KAZN: variants seen among roughly 807,000 people sequenced by gnomAD.
KAZN encodes the protein kazrin, periplakin interacting protein.
A neutral mutation model predicts 87.4 loss-of-function variants in KAZN; 40 were observed. The observed-to-expected ratio is 0.46, with a 90% CI of 0.36 to 0.60. The LOEUF is 0.60. Among genes scored for constraint, KAZN ranks in the 20% least tolerant of loss-of-function variants. KAZN has a pLI of 0.00. For missense variants in KAZN, 898 were observed against 1,073.9 expected (o/e 0.84, Z 2.29); for synonymous variants, 466 against 458.3 (o/e 1.02, Z -0.22).
At chr1:13,957,792 A>T (rs1180409961) in intron 1 of KAZN, among the ~76,000 whole-genome samples, 1 of 152,132 alleles carries the variant, frequency 6.6e-6, no homozygotes, top group African/African-American at 2.4e-5. Flanking sequence ...TTCATGAAAG[A>T]TCCACTCCAT....
chr1:15,060,445 T>C, intron 6 of KAZN, 143 bp downstream of exon 6: 1 of 1,138,312 alleles, frequency 8.8e-7, no homozygotes, highest in East Asian at 2.4e-5. Context: ...TGTTCTGTTC[T>C]TTCCTTTTGC....
At chr1:14,077,676 GAT>G (rs1643514610) in intron 1 of KAZN, among the ~76,000 whole-genome samples, 3 of 152,228 alleles carry the variant, frequency 2.0e-5, no homozygotes, top group Non-Finnish European at 4.4e-5. Context: ...TTCCCAAAAA[GAT>G]ATGTGGAAAT....
At chr1:14,251,243 T>C (rs1650003259) in intron 2 of KAZN, among the ~76,000 whole-genome samples, 1 of 152,196 alleles carries the variant, frequency 6.6e-6, no homozygotes, top group Non-Finnish European at 1.5e-5. Context: ...CCATCACTTC[T>C]CTTACATGAG....
At position 15,096,934 on chromosome 1, in the gene KAZN, G is replaced by A. The variant is rs987166887; in HGVS notation, c.1547+2001G>A. On this transcript the variant is annotated intron_variant, in intron 10 of 14. Transcript: ENST00000376030. The surrounding 1 kb of genome is among the most constrained non-coding windows in gnomAD (Gnocchi z 4.5). Reference sequence around the variant, plus strand: ...ATTTAATCCCTAACAGTGGCACCACGTTAACCTCCAGGAACCAGGAGTCTG... The same window carrying A: ...ATTTAATCCCTAACAGTGGCACCACATTAACCTCCAGGAACCAGGAGTCTG... 6.6e-6 allele frequency among the ~76,000 whole-genome samples: 1 copy of A among 152,178 alleles called. No individual in the cohort carries two copies. Among genetic ancestry groups the A allele is most frequent in the Non-Finnish European group, 1.5e-5 (1 of 68,046 alleles).
rs1366887954 is a variant in KAZN at position 14,560,380 on chromosome 1, G to T, written c.250-38603G>T. Reference sequence around the variant, plus strand: ...GGATCACTTGAGGTCAGGAGTTTGAGACCAGCCTGGCCAACATGATGAAAC... The same window carrying T: ...GGATCACTTGAGGTCAGGAGTTTGATACCAGCCTGGCCAACATGATGAAAC... On this transcript the variant is annotated intron_variant, in intron 2 of 16. Transcript: ENST00000636203. Among the ~76,000 whole-genome samples, 3 of 152,112 alleles carry T rather than the reference G, an allele frequency of 2.0e-5. No homozygotes were observed. The East Asian group carries it at 5.8e-4, about 29-fold the overall frequency.
Position 14,327,470 on chromosome 1 carries a change from GTC to G in KAZN, c.249+146883_249+146884del, listed in dbSNP as rs200129863. Among the ~76,000 whole-genome samples the G allele has an allele frequency of 6.5e-3, 991 of 152,256 alleles. 11 individuals are homozygous for G. The highest frequency in any genetic ancestry group is 0.023 in the African/African-American group (940 of 41,528). ...CCTCTCATCCCCCTAGCGGGCCTCA[GTC>G]TCTCCCTCGTCTGTTCTCCCTTGGA... On this transcript the variant is annotated intron_variant, in intron 2 of 16. Coordinates refer to the KAZN transcript ENST00000636203.
At chr1:14,877,330 T>C (rs1368053936) in intron 1 of KAZN, among the ~76,000 whole-genome samples, 1 of 152,204 alleles carries the variant, frequency 6.6e-6, no homozygotes, top group East Asian at 1.9e-4. Context: ...ACATATTTTC[T>C]AGAAGTTCCA....
At chr1:14,928,706 G>T (rs1047796158) in intron 1 of KAZN, among the ~76,000 whole-genome samples, 2 of 152,164 alleles carry the variant, frequency 1.3e-5, no homozygotes, top group Non-Finnish European at 2.9e-5. Context: ...GTTTTACGAA[G>T]CTGCCCACTA....
chr1:14,775,749 AG>A (rs1345033172), intron 1 of KAZN, among the ~76,000 whole-genome samples: 2 of 152,226 alleles, frequency 1.3e-5, no homozygotes, highest in Admixed American at 1.3e-4. Flanking sequence ...AGAAAGGGGC[AG>A]GTGGGAATTC....
At chr1:14,357,893 T>C (rs34731767) in intron 2 of KAZN, among the ~76,000 whole-genome samples, 7,942 of 152,190 alleles carry the variant, frequency 0.052, 293 homozygotes, top group South Asian at 0.089. Context: ...TCTTTTTCAG[T>C]TGTGTCTCTG....
intron 1 of KAZN, among the ~76,000 whole-genome samples, chr1:13,941,099 G>A (rs1014744724): frequency 1.3e-5 from 2 of 151,972 alleles, no homozygotes; most frequent in Non-Finnish European, 2.9e-5. Context: ...GAGGCTGAGG[G>A]GGAGAGAATC....
At chr1:15,098,949 A>T (rs1640921182) in intron 10 of KAZN, among the ~76,000 whole-genome samples, 1 of 152,190 alleles carries the variant, frequency 6.6e-6, no homozygotes, top group Non-Finnish European at 1.5e-5. Context: ...CCAGTGAGGC[A>T]GCTGGCCAGA....
At chr1:13,922,021 TG>T (rs1169230049) in intron 1 of KAZN, among the ~76,000 whole-genome samples, 5 of 152,150 alleles carry the variant, frequency 3.3e-5, no homozygotes, top group Admixed American at 1.3e-4. Context: ...CTTTTCCTTT[TG>T]GTGCTCTATA....
Position 14,532,844 on chromosome 1 carries a change from C to T in KAZN, c.250-66139C>T, listed in dbSNP as rs1301341179. On this transcript the variant is annotated intron_variant, in intron 2 of 16. Coordinates refer to the KAZN transcript ENST00000636203. Reference sequence around the variant, plus strand: ...CATAGTATTCCATGGTGTATATGTGCCACATTTTCTTAATCCAGTGTCCTG... The same window carrying T: ...CATAGTATTCCATGGTGTATATGTGTCACATTTTCTTAATCCAGTGTCCTG... Among the ~76,000 whole-genome samples the T allele has an allele frequency of 2.6e-5, 4 of 151,922 alleles. No homozygotes were observed. The South Asian group carries it at 8.3e-4, about 32-fold the overall frequency.
intron 1 of KAZN, among the ~76,000 whole-genome samples, chr1:14,104,551 G>A (rs1644328510): frequency 6.6e-6 from 1 of 152,178 alleles, no homozygotes; most frequent in African/African-American, 2.4e-5. Context: ...GAAAACCTCA[G>A]GATCGCAAAT....
intron 1 of KAZN, among the ~76,000 whole-genome samples, chr1:14,625,246 A>G (rs1679051631): frequency 6.6e-6 from 1 of 152,156 alleles, no homozygotes; most frequent in South Asian, 2.1e-4. Flanking sequence ...TACACAGTTC[A>G]GAGGGTAATA....
At chr1:14,834,359 T>C (rs1647152180) in intron 1 of KAZN, among the ~76,000 whole-genome samples, 2 of 112,030 alleles carry the variant, frequency 1.8e-5, no homozygotes, top group African/African-American at 6.6e-5. Context: ...TCACTTCCTT[T>C]TTTTTTTTTT....
At chr1:14,185,701 G>T (rs191483451) in intron 2 of KAZN, among the ~76,000 whole-genome samples, 123 of 152,272 alleles carry the variant, frequency 8.1e-4, no homozygotes, top group African/African-American at 2.9e-3. Flanking sequence ...CACAGGCATT[G>T]CCAGGCTTAG....
intron 2 of KAZN, among the ~76,000 whole-genome samples, chr1:14,379,551 A>G (rs989242399): frequency 2.0e-5 from 3 of 152,120 alleles, no homozygotes; most frequent in Non-Finnish European, 2.9e-5. Context: ...AACATTCACC[A>G]TAAGCTGACT....
Sources: gnomAD v4.1 joint callset for allele counts (sites outside exome capture counted in the v4.1 genomes callset) on GRCh38, gnomAD v4.1.1 for gene constraint, Gnocchi (gnomAD v3.1) non-coding constraint, MANE v1.5 for transcripts, NCBI Gene and HGNC (gene_info 2026-07-23, HGNC 2026-07-21) for gene names.